Variants in MALRD1 observed in about 807,000 individuals in gnomAD.
MALRD1 encodes the protein MAM and LDL-receptor class A domain-containing protein 1.
In MALRD1, 247 loss-of-function variants were observed where a neutral mutation model predicts 242.1. That is an observed-to-expected ratio of 1.02 (90% CI 0.92 to 1.13). The LOEUF is 1.13. Among genes scored for constraint, MALRD1 ranks in the 50% most tolerant of loss-of-function variants. The pLI is 0.00. For missense variants in MALRD1, 2,989 were observed against 2,533.1 expected (o/e 1.18, Z -3.86); for synonymous variants, 995 against 866.6 (o/e 1.15, Z -2.60).
chr10:19,065,285 C>A (rs1408070426), intron 1 of MALRD1, among the ~76,000 whole-genome samples: 2 of 20,134 alleles, frequency 9.9e-5, no homozygotes, highest in Non-Finnish European at 8.5e-5. Flanking sequence ...AAAACGCTGT[C>A]TCAAAAAAAA....
chr10:19,072,457 G>T (rs1049781599), intron 2 of MALRD1, among the ~76,000 whole-genome samples: 1 of 151,852 alleles, frequency 6.6e-6, no homozygotes, highest in Admixed American at 6.6e-5. Flanking sequence ...ATTTTTTAAT[G>T]ATTTAAACAG....
At position 19,648,639 on chromosome 10, in the gene MALRD1, C is replaced by T. The variant is rs564499308; in HGVS notation, c.6137+32716C>T. Among the ~76,000 whole-genome samples the T allele has an allele frequency of 1.2e-4, 19 of 152,206 alleles. No homozygotes were observed. In the South Asian group the frequency reaches 3.7e-3, roughly 30 times the overall value. ...AAGTGAATACAAACTTACAGAGATT[C>T]AGAAAAAGGTAACCCTTAGTCAAAG... On this transcript the variant is annotated intron_variant, in intron 36 of 39. Coordinates refer to ENST00000454679, the MANE Select transcript of MALRD1 (RefSeq NM_001142308.3).
intron 34 of MALRD1, among the ~76,000 whole-genome samples, chr10:19,603,102 C>T (rs1231540789): frequency 1.3e-5 from 2 of 152,010 alleles, no homozygotes; most frequent in Non-Finnish European, 2.9e-5. Flanking sequence ...AGCCCTTTGT[C>T]AGATGAGTAG....
chr10:19,577,776 T>A (rs1836902264), intron 33 of MALRD1, among the ~76,000 whole-genome samples: 1 of 151,948 alleles, frequency 6.6e-6, no homozygotes, highest in Non-Finnish European at 1.5e-5. Context: ...TAATAAAACA[T>A]AACATGGTAA....
At chr10:19,607,538 A>G (rs987114720) in intron 34 of MALRD1, among the ~76,000 whole-genome samples, 8 of 152,148 alleles carry the variant, frequency 5.3e-5, no homozygotes, top group African/African-American at 1.9e-4. Flanking sequence ...GACACAATTC[A>G]GTCCCTAAGA....
intron 36 of MALRD1, among the ~76,000 whole-genome samples, chr10:19,628,897 T>G (rs1839793776): frequency 6.6e-6 from 1 of 152,154 alleles, no homozygotes; most frequent in South Asian, 2.1e-4. Context: ...AGTTTTTCTT[T>G]CCGTGTTGTC....
intron 15 of MALRD1, 22 bp from the exon 16 acceptor site, chr10:19,204,286 T>C: frequency 2.8e-6 from 4 of 1,433,158 alleles, no homozygotes; most frequent in Non-Finnish European, 3.8e-6. Context: ...GAAGCGTTTT[T>C]TTTTTTTTTT....
At chr10:19,328,767 G>C (rs1038443857) in intron 23 of MALRD1, among the ~76,000 whole-genome samples, 1 of 152,138 alleles carries the variant, frequency 6.6e-6, no homozygotes, top group Admixed American at 6.6e-5. Context: ...TTTAGGATAT[G>C]CATAAGAAGG....
rs1211228033 is a variant in MALRD1, at chr10:19,352,183, A to G, written c.4327A>G (p.Arg1443Gly). Residue 1443 changes from arginine (R) to glycine (G), a missense_variant, in exon 26 of 40, where the codon AGA becomes GGA. Physicochemically the swap from Arg to Gly is moderately radical, Grantham distance 125 (BLOSUM62 -2). Coordinates refer to ENST00000454679, the MANE Select transcript of MALRD1 (RefSeq NM_001142308.3). ...AGACTTCCAACTCAAATTTGAAGGT[A>G]GAGTTGGGAAAGGTCAGCGTGGAGA... is the stretch of plus-strand genomic sequence containing the variant. ...DEDFQLKFEGRVGKGQRGDIA... is the reference protein window; with the variant it reads ...DEDFQLKFEGGVGKGQRGDIA... 2 of 1,550,556 alleles carry G rather than the reference A, an allele frequency of 1.3e-6. No homozygotes were observed. The highest frequency in any genetic ancestry group is 2.4e-5 in the East Asian group (1 of 40,878).
At chr10:19,208,610 C>T (rs1836894762) in intron 17 of MALRD1, among the ~76,000 whole-genome samples, 1 of 152,144 alleles carries the variant, frequency 6.6e-6, no homozygotes, top group African/African-American at 2.4e-5. Flanking sequence ...GTCAGGAAAA[C>T]ATCTACATCA....
chr10:19,603,339 C>T (rs185575454), intron 34 of MALRD1, among the ~76,000 whole-genome samples: 4 of 151,998 alleles, frequency 2.6e-5, no homozygotes, highest in Admixed American at 6.6e-5. Flanking sequence ...CTAACATTTA[C>T]GTCTTTAGTC....
intron 4 of MALRD1, among the ~76,000 whole-genome samples, chr10:19,095,972 T>C (rs968490304): frequency 6.6e-6 from 1 of 152,186 alleles, no homozygotes; most frequent in Non-Finnish European, 1.5e-5. Flanking sequence ...ATCTTATCTA[T>C]GGGTCCACTC....
At chr10:19,332,758 G>T (rs567894369) in intron 24 of MALRD1, among the ~76,000 whole-genome samples, 2 of 152,206 alleles carry the variant, frequency 1.3e-5, no homozygotes, top group South Asian at 2.1e-4. Flanking sequence ...GTCTTGAGAG[G>T]TACATGGGAA....
At chr10:19,365,682 A>C (rs1359699683) in intron 26 of MALRD1, among the ~76,000 whole-genome samples, 3 of 91,870 alleles carry the variant, frequency 3.3e-5, no homozygotes, top group Non-Finnish European at 7.0e-5. Context: ...AAAAAAAAAA[A>C]AAAAAACAAG....
At chr10:19,315,585 T>TA (rs1187248291) in intron 21 of MALRD1, among the ~76,000 whole-genome samples, 14,500 of 52,692 alleles carry the variant, frequency 0.28, 2,317 homozygotes, top group Non-Finnish European at 0.33. Context: ...AAATTATAAA[T>TA]TATAAATATT....
intron 21 of MALRD1, among the ~76,000 whole-genome samples, chr10:19,286,611 C>G (rs1841133078): frequency 6.6e-6 from 1 of 151,956 alleles, no homozygotes. Context: ...TCTCCCAAGA[C>G]TAAACCAGGA....
At position 19,209,300 on chromosome 10, in the gene MALRD1, A is replaced by T. The variant is rs990495460; in HGVS notation, c.2611A>T (p.Ile871Phe). The T allele has an allele frequency of 3.9e-6, 6 of 1,544,216 alleles. No homozygotes were observed. Among genetic ancestry groups the T allele is most frequent in the Non-Finnish European group, 5.2e-6 (6 of 1,144,696 alleles). The change falls in exon 18 of 40, where the codon ATC becomes TTC. Residue 871 changes from isoleucine to phenylalanine, a missense_variant. Ile to Phe is a conservative substitution (Grantham distance 21). Coordinates refer to ENST00000454679, the MANE Select transcript of MALRD1 (RefSeq NM_001142308.3). The stretch of plus-strand genomic sequence containing the variant: ...GCTGCAGTGTAACTTTGAAACTGGA[A>T]TCTGTAACTGGGAACAAGATGCAAA... ...PELQCNFETG[I>F]CNWEQDAKDD...
chr10:19,310,909 T>G (rs1055756426), intron 21 of MALRD1, among the ~76,000 whole-genome samples: 1 of 151,524 alleles, frequency 6.6e-6, no homozygotes, highest in Non-Finnish European at 1.5e-5. Context: ...AACTCCCGCA[T>G]GAGTCTGTAA....
At chr10:19,607,552 C>T (rs988140236) in intron 34 of MALRD1, among the ~76,000 whole-genome samples, 5 of 152,126 alleles carry the variant, frequency 3.3e-5, no homozygotes, top group Non-Finnish European at 7.4e-5. Context: ...CCTAAGAATG[C>T]ACATCTGCGA....
Sources: allele counts gnomAD v4.1 joint callset (sites outside exome capture counted in the v4.1 genomes callset), GRCh38; gene constraint gnomAD v4.1.1; transcripts MANE v1.5; gene names NCBI Gene and HGNC (gene_info 2026-07-23, HGNC 2026-07-21).